UNC13B: variants seen among roughly 807,000 people sequenced by gnomAD.
The protein encoded by UNC13B is protein unc-13 homolog B.
A neutral mutation model predicts 211.0 loss-of-function variants in UNC13B; 144 were observed. The ratio of observed to expected loss-of-function variants is 0.68; its 90% CI spans 0.60 to 0.78. The LOEUF (loss-of-function observed/expected upper bound fraction) is 0.78, where lower values mean the gene tolerates loss of function less well. Ranked by LOEUF, UNC13B falls within the 30% of genes least tolerant of loss-of-function variation. The pLI, the probability that UNC13B is intolerant of heterozygous loss-of-function variation, is 0.00. For missense variants in UNC13B, 1,777 were observed against 2,002.0 expected (o/e 0.89, Z 2.14); for synonymous variants, 709 against 725.8 (o/e 0.98, Z 0.37).
chr9:35,333,123 A>G (rs1410863452), intron 11 of UNC13B, among the ~76,000 whole-genome samples: 12 of 152,144 alleles, frequency 7.9e-5, no homozygotes, highest in Admixed American at 6.6e-4. Flanking sequence ...ATTATAATGT[A>G]TATTATCATT....
chr9:35,232,543 G>C (rs577409693), intron 3 of UNC13B, among the ~76,000 whole-genome samples: 3 of 152,110 alleles, frequency 2.0e-5, no homozygotes, highest in South Asian at 4.1e-4. Context: ...AAGGTTTTGG[G>C]CTAGGACAAT....
In UNC13B at chr9:35,311,505, A is replaced by G. The variant is rs189352791; in HGVS notation, c.9323+724A>G. On this transcript the variant is annotated intron_variant, in intron 10 of 39. Coordinates refer to ENST00000635942, the MANE Select transcript of UNC13B (RefSeq NM_001371189.2). ...TTGTTCAAAGGGGTTGGTCAGGGTC[A>G]GTGTGTGTGCATGTACTTATGTACA... Among the ~76,000 whole-genome samples, 9 of 152,290 alleles carry G rather than the reference A, an allele frequency of 5.9e-5. No individual in the cohort carries two copies. The South Asian group carries it at 1.0e-3, about 18-fold the overall frequency.
chr9:35,248,490 T>C (rs975270840), intron 6 of UNC13B, among the ~76,000 whole-genome samples: 1 of 152,188 alleles, frequency 6.6e-6, no homozygotes, highest in Admixed American at 6.5e-5. Context: ...CTTGTGGCCA[T>C]TTAGTGCTAT....
chr9:35,250,545 T>C (rs1826403488), intron 6 of UNC13B, among the ~76,000 whole-genome samples: 1 of 152,256 alleles, frequency 6.6e-6, no homozygotes, highest in Non-Finnish European at 1.5e-5. Context: ...TAGTACATTT[T>C]AAATTCATTC....
At chr9:35,210,204 C>T (rs374235296) in intron 1 of UNC13B, among the ~76,000 whole-genome samples, 69 of 152,132 alleles carry the variant, frequency 4.5e-4, no homozygotes, top group African/African-American at 1.5e-3. Flanking sequence ...TCTATCCATG[C>T]ACACCTGCTT....
chr9:35,304,381 C>T lies in UNC13B; in HGVS notation c.4977C>T (p.Asp1659=), dbSNP rs1470955119. Residue 1659 remains aspartate (D), a synonymous_variant, in exon 9 of 40, where the codon GAC becomes GAT. Transcript: ENST00000635942. ...ATAATCGTCAAAAGTTTAAAGGAGA[C>T]TTTAGATCTTTCAAAGAAAGGCCGT... The part of the protein sequence containing the change: ...SGYNRQKFKG[D]FRSFKERPCG... The T allele has an allele frequency of 5.0e-6, 2 of 398,490 alleles. No homozygotes were observed. The highest frequency in any genetic ancestry group is 8.9e-6 in the Non-Finnish European group (2 of 225,882). The allele number at this position is 398,490 out of a possible 1,614,324, so 24.7% of individuals were successfully genotyped here.
intron 1 of UNC13B, among the ~76,000 whole-genome samples, chr9:35,209,769 A>G (rs1823867381): frequency 6.6e-6 from 1 of 152,166 alleles, no homozygotes; most frequent in Non-Finnish European, 1.5e-5. Context: ...TTTTCCCTAC[A>G]TCATTCTTCA....
intron 7 of UNC13B, among the ~76,000 whole-genome samples, chr9:35,263,187 T>C (rs1313621142): frequency 6.6e-6 from 1 of 152,136 alleles, no homozygotes; most frequent in Non-Finnish European, 1.5e-5. Context: ...AAGATATATG[T>C]GCAAAGATGT....
chr9:35,250,484 C>T (rs1284889476), intron 6 of UNC13B, among the ~76,000 whole-genome samples: 1 of 152,084 alleles, frequency 6.6e-6, no homozygotes, highest in African/African-American at 2.4e-5. Context: ...CTTGTTTTAC[C>T]ATGTAAATAA....
In UNC13B at chr9:35,390,710, G is replaced by A; in HGVS notation, c.11304G>A (p.Leu3768=). The A allele has an allele frequency of 6.2e-7, 1 of 1,613,956 alleles. No homozygotes were observed. ...TTGCCCAAGACATGAAATATGCATT[G>A]GAGGGTAAGGATCTGTTCAAATCAG... ...HLFAQDMKYA[L]EEHEKDHLCK... Residue 3768 remains leucine, a synonymous_variant, in exon 26 of 40, where the codon TTG becomes TTA. Transcript: ENST00000635942.
At chr9:35,398,519 A>G (rs2132361063) in intron 31 of UNC13B, 35 bp from the exon 32 acceptor site, 1 of 1,605,686 alleles carries the variant, frequency 6.2e-7, no homozygotes, top group East Asian at 2.2e-5. Context: ...GGGTAAGAAA[A>G]GCAGCCTAGC....
At chr9:35,233,295 G>C (rs17360605) in intron 3 of UNC13B, among the ~76,000 whole-genome samples, 22,076 of 152,048 alleles carry the variant, frequency 0.15, 1,865 homozygotes, top group Admixed American at 0.25. Flanking sequence ...CCTCTCATCA[G>C]CATAGCCAGC....
intron 11 of UNC13B, among the ~76,000 whole-genome samples, chr9:35,316,509 G>C (rs1830463071): frequency 6.6e-6 from 1 of 151,724 alleles, no homozygotes; most frequent in Non-Finnish European, 1.5e-5. Flanking sequence ...ATATAGATGT[G>C]CGTGTGTGTG....
At chr9:35,384,952 A>G (rs1454893604) in intron 22 of UNC13B, 2 of 872,732 alleles carry the variant, frequency 2.3e-6, no homozygotes, top group African/African-American at 1.8e-5. Context: ...AAAAGTAAGT[A>G]TAAAAACAAC....
chr9:35,319,764 A>G (rs1334602949), intron 11 of UNC13B, among the ~76,000 whole-genome samples: 7 of 151,884 alleles, frequency 4.6e-5, no homozygotes, highest in South Asian at 4.2e-4. Flanking sequence ...GGCTCAAGCA[A>G]CCCTTCACCT....
intron 1 of UNC13B, among the ~76,000 whole-genome samples, chr9:35,219,617 CAAA>C (rs576502502): frequency 2.4e-3 from 156 of 65,428 alleles, no homozygotes; most frequent in African/African-American, 6.5e-3. Flanking sequence ...ACCCTGTGTC[CAAA>C]AAAAAAAAAA....
At chr9:35,378,793 G>A (rs1455834966) in intron 17 of UNC13B, among the ~76,000 whole-genome samples, 1 of 152,128 alleles carries the variant, frequency 6.6e-6, no homozygotes, top group Non-Finnish European at 1.5e-5. Flanking sequence ...GGTACAGTAG[G>A]GTTAGGCTCT....
chr9:35,396,601 G>C lies in UNC13B; in HGVS notation c.11434G>C (p.Ala3812Pro). Residue 3812 changes from alanine to proline, a missense_variant and splice_region_variant, in exon 27 of 40, where the codon GCG becomes CCG. Physicochemically the swap from Ala to Pro is conservative, Grantham distance 27. Transcript: ENST00000635942. ...VLQGQVPEYP[A>P]WFEQFVLQWL... The stretch of plus-strand genomic sequence containing the variant: ...CCAGGGGCAGGTGCCTGAGTACCCA[G>C]CGTGAGTCATCATGTGGGCACTACA... 1 of 1,613,938 alleles carries C rather than the reference G, an allele frequency of 6.2e-7. No homozygotes were observed.
At chr9:35,168,703 CTTT>C (rs34612376) in intron 1 of UNC13B, among the ~76,000 whole-genome samples, 18 of 135,796 alleles carry the variant, frequency 1.3e-4, no homozygotes, top group African/African-American at 1.4e-4. Flanking sequence ...GTATTACTTG[CTTT>C]TTTTTTTTTT....
Sources: gnomAD v4.1 joint callset for allele counts (sites outside exome capture counted in the v4.1 genomes callset) on GRCh38, gnomAD v4.1.1 for gene constraint, MANE v1.5 for transcripts, NCBI Gene and HGNC (gene_info 2026-07-23, HGNC 2026-07-21) for gene names.